The following HDAC8 variants were observed in gnomAD, a reference collection of about 807,000 sequenced individuals.
The protein encoded by HDAC8 is histone deacetylase-like 1.
HDAC8 carries 1 observed loss-of-function variant against 32.2 expected under a neutral mutation model. The ratio of observed to expected loss-of-function variants is 0.03; its 90% confidence interval spans 0.01 to 0.15. The LOEUF (loss-of-function observed/expected upper bound fraction) is 0.15. Among genes scored for constraint, HDAC8 ranks in the 10% least tolerant of loss-of-function variants. HDAC8 has a pLI of 1.00. For synonymous variants in HDAC8, 108 were observed against 113.9 expected (o/e 0.95, Z 0.33); for missense variants, 117 against 300.0 (o/e 0.39, Z 4.51).
At chrX:72,473,754 C>T (rs2048250768) in intron 7 of HDAC8, 1 of 754,414 alleles carries the variant, frequency 1.3e-6, no homozygotes, top group Non-Finnish European at 1.6e-6. Context: ...GATGCTGTTG[C>T]CAAAACTTTA....
intron 9 of HDAC8, among the ~76,000 whole-genome samples, chrX:72,436,535 G>A (rs180897323): frequency 2.7e-4 from 30 of 109,368 alleles, no homozygotes; most frequent in Middle Eastern, 9.5e-3. Flanking sequence ...GAAGGAAGAC[G>A]AAAAGAACTT....
chrX:72,429,411 T>C (rs1365330650), intron 9 of HDAC8, among the ~76,000 whole-genome samples: 1 of 112,163 alleles, frequency 8.9e-6, no homozygotes, highest in African/African-American at 3.2e-5. Flanking sequence ...TTTTATCAAA[T>C]GGTGCAACTT....
chrX:72,336,955 G>A (rs2043712453), intron 10 of HDAC8, among the ~76,000 whole-genome samples: 1 of 110,784 alleles, frequency 9.0e-6, no homozygotes, highest in Admixed American at 9.7e-5. Flanking sequence ...TCACCATGTT[G>A]CCCAGGCTGT....
rs781796431 is a variant in HDAC8, at chrX:72,452,862, CCAGAAATGA to C, written c.1005+9133_1005+9141del. On this transcript the variant is annotated intron_variant, in intron 9 of 10. Transcript: ENST00000373573. ...GAAAAATCAGTTAACAGAAACAGACCCAGAAATGACAGAAATGATGGAGTTAGTAGACAA... is the reference window on the plus strand; with the variant it reads ...GAAAAATCAGTTAACAGAAACAGACCCAGAAATGATGGAGTTAGTAGACAA... Among the ~76,000 whole-genome samples, 39 of 110,354 alleles carry C rather than the reference CCAGAAATGA, an allele frequency of 3.5e-4. No individual in the cohort carries two copies. In the East Asian group the frequency reaches 9.2e-3, roughly 26 times the overall value.
chrX:72,507,839 A>T (rs2049444397), intron 4 of HDAC8, among the ~76,000 whole-genome samples: 1 of 112,281 alleles, frequency 8.9e-6, no homozygotes, highest in Non-Finnish European at 1.9e-5. Context: ...TTTTCCAGAT[A>T]TATCTTGCTT....
intron 5 of HDAC8, among the ~76,000 whole-genome samples, chrX:72,493,982 C>T (rs997282338): frequency 9.0e-6 from 1 of 111,618 alleles, no homozygotes; most frequent in Non-Finnish European, 1.9e-5. Context: ...AGCGACTGCA[C>T]TTGGCTGGAA....
At chrX:72,533,551 CA>C (rs2147422619) in intron 4 of HDAC8, among the ~76,000 whole-genome samples, 1 of 111,493 alleles carries the variant, frequency 9.0e-6, no homozygotes, top group Admixed American at 9.5e-5. Flanking sequence ...CAAAATCAGA[CA>C]AAAACATCAT....
chrX:72,329,528 G>T lies in HDAC8; in HGVS notation c.*526C>A. 1 of 577,737 alleles carries T rather than the reference G, an allele frequency of 1.7e-6. No homozygotes were observed. Among genetic ancestry groups the T allele is most frequent in the Non-Finnish European group, 2.7e-6 (1 of 371,131 alleles). 47.6% of individuals were successfully genotyped at this position (577,737 alleles called of 1,213,427 possible). On this transcript the variant is annotated 3_prime_UTR_variant, in exon 11 of 11. Transcript: ENST00000373573. ...CGGGACAAAGAGGTAGGTTTTCAAAGATTTTATTAAAAAAACCAAAGATAT... is the reference window on the plus strand; with the variant it reads ...CGGGACAAAGAGGTAGGTTTTCAAATATTTTATTAAAAAAACCAAAGATAT...
chrX:72,386,962 G>A (rs1326027745), intron 9 of HDAC8, among the ~76,000 whole-genome samples: 1 of 112,255 alleles, frequency 8.9e-6, no homozygotes, highest in Non-Finnish European at 1.9e-5. Context: ...ATTAGCCTGA[G>A]GGGCTCCACT....
At chrX:72,453,336 A>G (rs2047622592) in intron 9 of HDAC8, among the ~76,000 whole-genome samples, 2 of 109,108 alleles carry the variant, frequency 1.8e-5, no homozygotes, top group Non-Finnish European at 3.8e-5. Context: ...GTGCACCTGT[A>G]GTCCTATTTA....
chrX:72,333,814 T>C (rs1392456118), intron 10 of HDAC8, among the ~76,000 whole-genome samples: 1 of 111,701 alleles, frequency 9.0e-6, no homozygotes, highest in Non-Finnish European at 1.9e-5. Flanking sequence ...GCTTGTGTTG[T>C]TGCCTCAGCT....
intron 4 of HDAC8, among the ~76,000 whole-genome samples, chrX:72,533,100 AC>A (rs2050404317): frequency 9.0e-6 from 1 of 111,610 alleles, no homozygotes. Flanking sequence ...TTATCCCAGC[AC>A]CATTTGTTGA....
intron 4 of HDAC8, among the ~76,000 whole-genome samples, chrX:72,523,047 A>G (rs1556029697): frequency 8.9e-6 from 1 of 112,233 alleles, no homozygotes; most frequent in Non-Finnish European, 1.9e-5. Context: ...TGCTATCATA[A>G]TGCTAGGACC....
chrX:72,359,624 T>C (rs1382232359), intron 9 of HDAC8, among the ~76,000 whole-genome samples: 10 of 111,412 alleles, frequency 9.0e-5, no homozygotes, highest in African/African-American at 3.3e-4. Context: ...GGACTGAAGC[T>C]GTGCCTTATG....
At chrX:72,422,030 A>G (rs540910183) in intron 9 of HDAC8, among the ~76,000 whole-genome samples, 1 of 110,943 alleles carries the variant, frequency 9.0e-6, no homozygotes, top group South Asian at 3.7e-4. Context: ...TATGAACCTT[A>G]TTGAGAATCC....
chrX:72,571,332 G>A (rs2147608611), intron 2 of HDAC8, among the ~76,000 whole-genome samples: 1 of 110,804 alleles, frequency 9.0e-6, no homozygotes, highest in East Asian at 2.8e-4. Flanking sequence ...GGCTTAGAAT[G>A]AAACGAAATC....
chrX:72,423,099 A>T (rs1290260263), intron 9 of HDAC8, among the ~76,000 whole-genome samples: 1 of 111,996 alleles, frequency 8.9e-6, no homozygotes, highest in Admixed American at 9.4e-5. Flanking sequence ...ACTTTTTTTT[A>T]AAAAGGAATC....
At chrX:72,553,040 CTATTTATT>C (rs782764036) in intron 4 of HDAC8, among the ~76,000 whole-genome samples, 1 of 109,995 alleles carries the variant, frequency 9.1e-6, no homozygotes, top group Middle Eastern at 4.3e-3. Flanking sequence ...ACTAGCCACC[CTATTTATT>C]TATTTATTTA....
At chrX:72,538,185 CTTTTTT>C (rs782378380) in intron 4 of HDAC8, among the ~76,000 whole-genome samples, 1 of 95,566 alleles carries the variant, frequency 1.0e-5, no homozygotes, top group Non-Finnish European at 2.1e-5. Flanking sequence ...TTTTGTTTTT[CTTTTTT>C]TTTTTTTTTG....
Sources: gnomAD v4.1 joint callset for allele counts (sites outside exome capture counted in the v4.1 genomes callset) on GRCh38, gnomAD v4.1.1 for gene constraint, MANE v1.5 for transcripts, NCBI Gene and HGNC (gene_info 2026-07-23, HGNC 2026-07-21) for gene names.